The following NAV3 variants were observed in gnomAD, a reference collection of about 807,000 sequenced individuals.
The protein encoded by NAV3 is neuron navigator 3, also known as pore membrane and/or filament interacting like protein 1.
In NAV3, 87 loss-of-function variants were observed where a neutral mutation model predicts 244.7. That is an observed-to-expected ratio of 0.36 (90% CI 0.30 to 0.42). The LOEUF (loss-of-function observed/expected upper bound fraction) is 0.42, where lower values mean the gene tolerates loss of function less well. Ranked by LOEUF, NAV3 falls within the 20% of genes least tolerant of loss-of-function variation. The pLI is 1.00. For missense variants in NAV3, 2,663 were observed against 2,893.3 expected (o/e 0.92, Z 1.83); for synonymous variants, 1,126 against 1,042.2 (o/e 1.08, Z -1.55).
intron 2 of NAV3, among the ~76,000 whole-genome samples, chr12:77,791,318 C>T (rs906273030): frequency 6.8e-6 from 1 of 147,072 alleles, no homozygotes; most frequent in Non-Finnish European, 1.5e-5. Flanking sequence ...CGCACCATTG[C>T]ACTCCAGCCT....
intron 12 of NAV3, among the ~76,000 whole-genome samples, chr12:78,064,664 C>T (rs936286949): frequency 6.6e-6 from 1 of 151,976 alleles, no homozygotes; most frequent in Non-Finnish European, 1.5e-5. Context: ...ATTCATAACC[C>T]TGTGTAACTC....
At chr12:77,672,204 G>T (rs147956757) in intron 2 of NAV3, among the ~76,000 whole-genome samples, 7 of 151,786 alleles carry the variant, frequency 4.6e-5, no homozygotes, top group African/African-American at 1.7e-4. Context: ...ACCACACTGC[G>T]GCCTGCAAGC....
At chr12:77,644,371 T>C (rs1354609911) in intron 2 of NAV3, among the ~76,000 whole-genome samples, 1 of 152,066 alleles carries the variant, frequency 6.6e-6, no homozygotes, top group Non-Finnish European at 1.5e-5. Context: ...TTTGAGATTT[T>C]GTCTTCTGAA....
rs1869370544 is a variant in NAV3, at chr12:77,581,684, C to A, written c.72+9418C>A. 2.6e-5 allele frequency among the ~76,000 whole-genome samples: 4 copies of A among 152,122 alleles called. No homozygotes were observed. In the South Asian group the frequency reaches 8.3e-4, roughly 32 times the overall value. Reference sequence around the variant, plus strand: ...GAACTTGAGATAGTTTTGATCCACTCAAATTAGTAATCCTGCTCTTATAAT... The same window carrying A: ...GAACTTGAGATAGTTTTGATCCACTAAAATTAGTAATCCTGCTCTTATAAT... On this transcript the variant is annotated intron_variant, in intron 2 of 8. Coordinates refer to the NAV3 transcript ENST00000550042.
At chr12:78,197,470 T>TACAAGAAG in intron 35 of NAV3, 69 bp downstream of exon 35, 1 of 1,134,418 alleles carries the variant, frequency 8.8e-7, no homozygotes, top group Non-Finnish European at 1.2e-6. Flanking sequence ...TTCTTGTACC[T>TACAAGAAG]GTATGCATTT....
At chr12:77,911,891 C>A (rs935545319) in intron 1 of NAV3, among the ~76,000 whole-genome samples, 6 of 151,972 alleles carry the variant, frequency 3.9e-5, no homozygotes, top group Non-Finnish European at 8.8e-5. Context: ...GGTGTTCAGA[C>A]CCCAGTTTCA....
chr12:77,801,239 A>G (rs1417858630), intron 2 of NAV3, among the ~76,000 whole-genome samples: 1 of 152,150 alleles, frequency 6.6e-6, no homozygotes, highest in Non-Finnish European at 1.5e-5. Context: ...CTCAATTAAT[A>G]TTAGTTTCTT....
At chr12:77,631,333 C>T (rs117745472) in intron 2 of NAV3, among the ~76,000 whole-genome samples, 3,775 of 151,542 alleles carry the variant, frequency 0.025, 61 homozygotes, top group Middle Eastern at 0.085. Context: ...AGTAGCTACT[C>T]CAGGGAACAA....
At chr12:77,776,304 T>G (rs1870352028) in intron 2 of NAV3, among the ~76,000 whole-genome samples, 1 of 152,244 alleles carries the variant, frequency 6.6e-6, no homozygotes. Context: ...ATAAGATAGA[T>G]ATATCCCACA....
intron 12 of NAV3, among the ~76,000 whole-genome samples, chr12:78,095,011 C>T (rs1169516305): frequency 6.7e-6 from 1 of 150,170 alleles, no homozygotes; most frequent in Admixed American, 6.7e-5. Context: ...CATGCCAGTG[C>T]ACTCCAGCCC....
chr12:78,188,745 G>T lies in NAV3; in HGVS notation c.6023G>T (p.Gly2008Val), dbSNP rs1958838517. 6.2e-7 allele frequency: 1 copy of T among 1,611,994 alleles called. No homozygotes were observed. The highest frequency in any genetic ancestry group is 1.3e-5 in the African/African-American group (1 of 74,786). The change falls in exon 33 of 40, where the codon GGA becomes GTA. Residue 2008 changes from glycine (G) to valine (V), a missense_variant. By Grantham distance (109) the Gly-to-Val change is moderately radical. Transcript: ENST00000397909. ...TTGCTGCCTTGTGGATACCTTGTTG[G>T]AGATAATAACATCATCACTGTGAAC... ...PELLPCGYLV[G>V]DNNIITVNLK...
Position 78,118,246 on chromosome 12 carries a change from G to A in NAV3, c.2989G>A (p.Gly997Arg), listed in dbSNP as rs1955510221. ...CTGGAGAAGAGGCATGTCTGCCCAA[G>A]GAGGGGCGCCATCTAGGCAGAAAGC... ...GSWRRGMSAQ[G>R]GAPSRQKAGT... Residue 997 changes from glycine (G) to arginine (R), a missense_variant, in exon 14 of 40, where the codon GGA becomes AGA. By Grantham distance (125) the Gly-to-Arg change is moderately radical (BLOSUM62 -2). Transcript: ENST00000397909. 1.2e-6 allele frequency: 2 copies of A among 1,613,094 alleles called. No homozygotes were observed. Among genetic ancestry groups the A allele is most frequent in the Non-Finnish European group, 1.7e-6 (2 of 1,179,340 alleles).
At chr12:78,039,762 T>C (rs1032638465) in intron 9 of NAV3, among the ~76,000 whole-genome samples, 5 of 152,000 alleles carry the variant, frequency 3.3e-5, no homozygotes, top group African/African-American at 1.2e-4. Flanking sequence ...AGTACCAAAT[T>C]GATGCTGTTA....
In NAV3 at chr12:77,637,376, A is replaced by T. The variant is rs116066609; in HGVS notation, c.72+65110A>T. ...GGGAAAATATCCCCATGATCAGGAA[A>T]ATTGCAGAAATTCTATACTTCTTTG... is the stretch of plus-strand genomic sequence containing the variant. On this transcript the variant is annotated intron_variant, in intron 2 of 8. Transcript: ENST00000550042. Among the ~76,000 whole-genome samples the T allele has an allele frequency of 3.7e-3, 562 of 152,226 alleles. 8 individuals are homozygous for T. Among genetic ancestry groups the T allele is most frequent in the African/African-American group, 0.013 (546 of 41,554 alleles).
chr12:77,753,852 T>TA (rs1481526708), intron 2 of NAV3, among the ~76,000 whole-genome samples: 1 of 152,198 alleles, frequency 6.6e-6, no homozygotes, highest in Non-Finnish European at 1.5e-5. Context: ...TAAGTTGAAA[T>TA]ACGTTCAAAA....
At chr12:77,799,905 T>C (rs548363552) in intron 2 of NAV3, among the ~76,000 whole-genome samples, 2 of 152,314 alleles carry the variant, frequency 1.3e-5, no homozygotes, top group East Asian at 3.9e-4. Flanking sequence ...TTAGTTATAA[T>C]GCTACTGTAG....
chr12:78,105,695 T>G (rs1954766204), intron 12 of NAV3, among the ~76,000 whole-genome samples: 1 of 152,024 alleles, frequency 6.6e-6, no homozygotes, highest in Non-Finnish European at 1.5e-5. Context: ...CTTTTTTCTT[T>G]CAGATAATGT....
chr12:78,188,347 T>C lies in NAV3; in HGVS notation c.5886+4T>C. On this transcript the variant is annotated splice_donor_region_variant and intron_variant, in intron 32 of 39. Coordinates refer to ENST00000397909, the MANE Select transcript of NAV3 (RefSeq NM_001024383.2). ...TGTAATAAGACGTCTCTTTAAGGTATGTTGTGCAAGACACCCTAATAGTAC... is the reference window on the plus strand; with the variant it reads ...TGTAATAAGACGTCTCTTTAAGGTACGTTGTGCAAGACACCCTAATAGTAC... The C allele has an allele frequency of 6.2e-7, 1 of 1,605,878 alleles. No individual in the cohort carries two copies. The highest frequency in any genetic ancestry group is 8.5e-7 in the Non-Finnish European group (1 of 1,174,224).
chr12:77,746,498 T>G (rs7309857), intron 2 of NAV3, among the ~76,000 whole-genome samples: 62,417 of 151,966 alleles, frequency 0.41, 14,820 homozygotes, highest in East Asian at 0.81. Flanking sequence ...TGCATATATG[T>G]ATGTGTATAC....
Sources: gnomAD v4.1 joint callset for allele counts (sites outside exome capture counted in the v4.1 genomes callset) on GRCh38, gnomAD v4.1.1 for gene constraint, MANE v1.5 for transcripts, NCBI Gene and HGNC (gene_info 2026-07-23, HGNC 2026-07-21) for gene names.